GLB1: variants seen among roughly 807,000 people sequenced by gnomAD.
The protein encoded by GLB1 is galactosidase beta 1.
A neutral mutation model predicts 74.0 loss-of-function variants in GLB1; 56 were observed. The ratio of observed to expected loss-of-function variants is 0.76; its 90% CI spans 0.61 to 0.94. The LOEUF (loss-of-function observed/expected upper bound fraction) is 0.94. Ranked by LOEUF, GLB1 falls within the 40% of genes least tolerant of loss-of-function variation. The pLI is 0.00. For synonymous variants in GLB1, 323 were observed against 323.6 expected, an observed-to-expected ratio of 1.00 and a Z score of 0.02; for missense variants, 787 against 845.5, an observed-to-expected ratio of 0.93 and a Z score of 0.86.
At chr3:32,979,168 G>C in the GLB1 span, among the ~76,000 whole-genome samples, 1 of 151,798 alleles carries the variant, frequency 6.6e-6, no homozygotes. Context: ...TAGAGATGGG[G>C]TTTCTCCACG....
intron 10 of GLB1, among the ~76,000 whole-genome samples, chr3:33,035,626 G>A (rs1393425291): frequency 3.3e-5 from 5 of 152,000 alleles, no homozygotes; most frequent in Non-Finnish European, 7.4e-5. Flanking sequence ...TGTAATTAAG[G>A]ATACAATTAG....
At chr3:33,080,383 A>T (rs1700282436) in intron 1 of GLB1, among the ~76,000 whole-genome samples, 1 of 152,170 alleles carries the variant, frequency 6.6e-6, no homozygotes, top group Non-Finnish European at 1.5e-5. Context: ...CTGGTCTTTA[A>T]AAGTTTTTAA....
At chr3:33,018,285 C>CAAAAAAAAAAAAAAAAAAAAAA (rs57833238) in intron 13 of GLB1, among the ~76,000 whole-genome samples, 163 bp downstream of exon 13, 2 of 41,970 alleles carry the variant, frequency 4.8e-5, no homozygotes, top group Admixed American at 3.8e-4. Flanking sequence ...AACCCTGTCT[C>CAAAAAAAAAAAAAAAAAAAAAA]AAAAAAAAAA....
intron 6 of GLB1, among the ~76,000 whole-genome samples, chr3:33,055,968 C>T (rs1699197934): frequency 2.0e-5 from 3 of 151,630 alleles, no homozygotes; most frequent in South Asian, 2.1e-4. Flanking sequence ...TGGCTCACGC[C>T]TGTAATCCCA....
rs199694629 is a variant in GLB1 at position 32,997,295 on chromosome 3, C to T, written c.1784G>A (p.Arg595Gln). 49 of 1,613,906 alleles carry T rather than the reference C, an allele frequency of 3.0e-5. No individual in the cohort carries two copies. Among genetic ancestry groups the T allele is most frequent in the Middle Eastern group, 1.7e-4 (1 of 6,008 alleles). ...GFNLGRYWPA[R>Q]GPQLTLFVPQ... is the part of the protein sequence containing the mutation. ...CACAAACAAGGTCAACTGAGGGCCC[C>T]GGGCTGGCCAATAGCGGCCAAGGTT... is the stretch of plus-strand genomic sequence containing the variant. Residue 595 changes from arginine (R) to glutamine (Q), a missense_variant, in exon 16 of 16, where the codon CGG (arginine) becomes CAG (glutamine). Physicochemically the swap from Arg to Gln is conservative, Grantham distance 43. Coordinates refer to ENST00000307363, the MANE Select transcript of GLB1 (RefSeq NM_000404.4).
At chr3:33,002,360 C>T (rs1575398268) in intron 15 of GLB1, among the ~76,000 whole-genome samples, 1 of 129,468 alleles carries the variant, frequency 7.7e-6, no homozygotes, top group Admixed American at 8.6e-5. Context: ...TTCCTTCCTT[C>T]CTTCCATCCT....
At chr3:33,011,201 T>C (rs1245979768) in intron 15 of GLB1, among the ~76,000 whole-genome samples, 1 of 152,102 alleles carries the variant, frequency 6.6e-6, no homozygotes, top group Admixed American at 6.6e-5. Context: ...AGAAATCATA[T>C]GGGAAAGTAG....
At chr3:33,043,771 G>GAAAGATACCTCAGAAAAAGACCAAGCA (rs1698602656) in intron 10 of GLB1, among the ~76,000 whole-genome samples, 2 of 82,300 alleles carry the variant, frequency 2.4e-5, no homozygotes, top group East Asian at 3.0e-4. Flanking sequence ...ACAGCATTGG[G>GAAAGATACCTCAGAAAAAGACCAAGCA]AAAGATACCT....
chr3:33,075,608 C>T (rs931055628), intron 1 of GLB1, among the ~76,000 whole-genome samples: 3 of 152,042 alleles, frequency 2.0e-5, no homozygotes, highest in Non-Finnish European at 4.4e-5. Context: ...ACAGTGAGGT[C>T]GAGGCGGTAA....
chr3:33,083,592 C>T (rs1700404029), intron 1 of GLB1, among the ~76,000 whole-genome samples: 1 of 152,118 alleles, frequency 6.6e-6, no homozygotes, highest in South Asian at 2.1e-4. Context: ...TTATTTCATA[C>T]TTGCAGGAGT....
intron 11 of GLB1, among the ~76,000 whole-genome samples, chr3:33,022,400 T>C (rs991571834): frequency 6.6e-6 from 1 of 151,926 alleles, no homozygotes. Flanking sequence ...GCGTTTTACA[T>C]GCACTAGCTC....
At chr3:32,976,332 C>T in the GLB1 span, among the ~76,000 whole-genome samples, 1 of 152,182 alleles carries the variant, frequency 6.6e-6, no homozygotes, top group African/African-American at 2.4e-5. Flanking sequence ...TCCTGCTGCT[C>T]AAGCTGGTGT....
At chr3:33,094,306 G>A (rs1700910907) in intron 1 of GLB1, 2 of 1,489,620 alleles carry the variant, frequency 1.3e-6, no homozygotes, top group Admixed American at 2.6e-5. Context: ...AACTCCGCCT[G>A]CAACCAGGAA....
chr3:33,019,578 T>C (rs1389745356), intron 12 of GLB1, among the ~76,000 whole-genome samples: 1 of 152,216 alleles, frequency 6.6e-6, no homozygotes, highest in East Asian at 1.9e-4. Context: ...TCCACCTTCC[T>C]GTGTTGCAGG....
At chr3:32,981,365 A>C in the GLB1 span, among the ~76,000 whole-genome samples, 1 of 140,160 alleles carries the variant, frequency 7.1e-6, no homozygotes, top group Non-Finnish European at 1.5e-5. Flanking sequence ...GCACCATTGC[A>C]CTCCAGCCTG....
At chr3:32,982,487 A>G in the GLB1 span, among the ~76,000 whole-genome samples, 2 of 131,602 alleles carry the variant, frequency 1.5e-5, no homozygotes, top group African/African-American at 6.1e-5. Context: ...AAACAAAAAC[A>G]AAACAAAAAC....
At chr3:33,072,799 G>C (rs1699934406) in intron 1 of GLB1, 86 bp from the exon 2 acceptor site, 1 of 1,561,362 alleles carries the variant, frequency 6.4e-7, no homozygotes, top group Non-Finnish European at 8.7e-7. Context: ...GTGACTCTCT[G>C]CCTATTGAAT....
At chr3:33,025,605 C>T (rs1214216677) in intron 10 of GLB1, among the ~76,000 whole-genome samples, 12 of 150,970 alleles carry the variant, frequency 7.9e-5, no homozygotes, top group Admixed American at 7.9e-4. Flanking sequence ...CTGGCTGTGG[C>T]GGAAGGAGGT....
rs1698834654 is a variant in GLB1 at position 33,048,488 on chromosome 3, T to TCC, written c.956-2257_956-2256insGG. On this transcript the variant is annotated intron_variant, in intron 9 of 15. Coordinates refer to ENST00000307363, the MANE Select transcript of GLB1 (RefSeq NM_000404.4). ...ACCCTGTAGGCAGCCATCACACAGC[T>TCC]GTGGACACACACAGGTGTGGAGGAA... Among the ~76,000 whole-genome samples the TCC allele has an allele frequency of 2.0e-5, 3 of 152,152 alleles. No homozygotes were observed. In the South Asian group the frequency reaches 6.2e-4, roughly 32 times the overall value.
Sources: gnomAD v4.1 joint callset for allele counts (sites outside exome capture counted in the v4.1 genomes callset) on GRCh38, gnomAD v4.1.1 for gene constraint, MANE v1.5 for transcripts, NCBI Gene and HGNC (gene_info 2026-07-23, HGNC 2026-07-21) for gene names.